The following SSBP2 variants were observed in gnomAD, a reference collection of about 807,000 sequenced individuals.
SSBP2 encodes single stranded DNA binding protein 2.
In SSBP2, 17 loss-of-function variants were observed where a neutral mutation model predicts 61.8. The observed-to-expected ratio is 0.28, with a 90% CI of 0.19 to 0.41. The LOEUF is 0.41. Ranked by LOEUF, SSBP2 falls within the 10% of genes least tolerant of loss-of-function variation. The probability of loss-of-function intolerance (pLI) is 1.00; values close to 1 mark genes in which losing one functional copy is unlikely to be tolerated. For synonymous variants in SSBP2, 139 were observed against 141.3 expected (o/e 0.98, Z 0.12); for missense variants, 310 against 458.7 (o/e 0.68, Z 2.96).
chr5:81,633,838 C>T (rs995749119), intron 3 of SSBP2, among the ~76,000 whole-genome samples: 9 of 152,236 alleles, frequency 5.9e-5, no homozygotes, highest in African/African-American at 1.9e-4. Context: ...CCTTCTACTT[C>T]TCTTGCTCCG....
intron 4 of SSBP2, among the ~76,000 whole-genome samples, chr5:81,544,035 C>T (rs1771514773): frequency 6.6e-6 from 1 of 152,094 alleles, no homozygotes; most frequent in African/African-American, 2.4e-5. Context: ...CACCAAACTT[C>T]CACCTTTCTT....
chr5:81,492,720 G>C (rs536633612), intron 5 of SSBP2, among the ~76,000 whole-genome samples: 55 of 151,962 alleles, frequency 3.6e-4, no homozygotes, highest in Non-Finnish European at 6.8e-4. Flanking sequence ...ATTTGACTGG[G>C]AGTCAAAGAC....
intron 3 of SSBP2, 150 bp downstream of exon 3, chr5:81,636,407 G>T (rs892972398): frequency 1.9e-6 from 1 of 524,660 alleles, no homozygotes; most frequent in Admixed American, 3.4e-5. Context: ...CACTAGTGCT[G>T]GTTTTTAAGG....
intron 4 of SSBP2, among the ~76,000 whole-genome samples, chr5:81,589,848 G>A (rs1775356885): frequency 6.6e-6 from 1 of 151,984 alleles, no homozygotes; most frequent in African/African-American, 2.4e-5. Flanking sequence ...CCATCATATG[G>A]GTGAGAGAGC....
At chr5:81,667,960 G>T (rs1487875120) in intron 1 of SSBP2, among the ~76,000 whole-genome samples, 1 of 152,148 alleles carries the variant, frequency 6.6e-6, no homozygotes, top group Non-Finnish European at 1.5e-5. Context: ...TCCTAGAACA[G>T]TTACTTTTAT....
At chr5:81,734,844 A>C (rs1756491001) in intron 1 of SSBP2, among the ~76,000 whole-genome samples, 1 of 151,846 alleles carries the variant, frequency 6.6e-6, no homozygotes, top group Non-Finnish European at 1.5e-5. Context: ...GGAGGTGGGC[A>C]CCTGTAGTCC....
chr5:81,466,914 A>G, intron 9 of SSBP2, 60 bp downstream of exon 9: 1 of 1,034,286 alleles, frequency 9.7e-7, no homozygotes, highest in East Asian at 2.7e-5. Flanking sequence ...ATATGGTATT[A>G]TTTATATATA....
intron 8 of SSBP2, among the ~76,000 whole-genome samples, chr5:81,472,035 C>A (rs1408480457): frequency 6.6e-6 from 1 of 151,936 alleles, no homozygotes; most frequent in African/African-American, 2.4e-5. Flanking sequence ...GTTGGTAGCA[C>A]AACAAAACAT....
intron 4 of SSBP2, among the ~76,000 whole-genome samples, chr5:81,529,701 A>AATGATTTTGGAACT (rs1770249745): frequency 6.6e-6 from 1 of 152,140 alleles, no homozygotes; most frequent in South Asian, 2.1e-4. Context: ...TTAGAAGAAC[A>AATGATTTTGGAACT]ACATAGATAT....
At chr5:81,458,099 A>T (rs1227884778) in intron 10 of SSBP2, among the ~76,000 whole-genome samples, 1 of 152,144 alleles carries the variant, frequency 6.6e-6, no homozygotes, top group Non-Finnish European at 1.5e-5. Context: ...AGGTTAAGAA[A>T]GGCCAAAACA....
At chr5:81,558,881 A>C (rs945919547) in intron 4 of SSBP2, among the ~76,000 whole-genome samples, 8 of 152,208 alleles carry the variant, frequency 5.3e-5, no homozygotes, top group Non-Finnish European at 1.0e-4. Context: ...CTGATCTCTT[A>C]AACAGTGTCA....
chr5:81,412,866 T>C lies in SSBP2; in HGVS notation c.*7638A>G, dbSNP rs888755417. On this transcript the variant is annotated 3_prime_UTR_variant, in exon 17 of 17. Coordinates refer to ENST00000320672, the MANE Select transcript of SSBP2 (RefSeq NM_012446.5). ...TCTATTTGCTAATAACATTAGTTTTTTTTTGGCATTCCATGTTTAGTTATC... is the reference window on the plus strand; with the variant it reads ...TCTATTTGCTAATAACATTAGTTTTCTTTTGGCATTCCATGTTTAGTTATC... Among the ~76,000 whole-genome samples, 2 of 152,174 alleles carry C rather than the reference T, an allele frequency of 1.3e-5. No homozygotes were observed. The highest frequency in any genetic ancestry group is 2.9e-5 in the Non-Finnish European group (2 of 68,022).
intron 1 of SSBP2, among the ~76,000 whole-genome samples, chr5:81,719,267 A>T (rs73137683): frequency 0.045 from 6,835 of 152,198 alleles, 198 homozygotes; most frequent in East Asian, 0.12. Flanking sequence ...CTGCTCCAGG[A>T]CTTATAGCCA....
chr5:81,466,223 A>G (rs1561433789), intron 9 of SSBP2, among the ~76,000 whole-genome samples: 2 of 152,030 alleles, frequency 1.3e-5, no homozygotes, highest in Non-Finnish European at 2.9e-5. Flanking sequence ...AAAGTCACTA[A>G]CAAGTACCTT....
intron 1 of SSBP2, among the ~76,000 whole-genome samples, chr5:81,700,286 C>T (rs1048733287): frequency 1.3e-5 from 2 of 152,140 alleles, no homozygotes; most frequent in Admixed American, 1.3e-4. Context: ...TGACAAAGTG[C>T]ACTGTCAAGG....
rs1581270194 is a variant in SSBP2 at position 81,658,630 on chromosome 5, G to A, written c.63-8291C>T. 4.0e-5 allele frequency among the ~76,000 whole-genome samples: 6 copies of A among 151,714 alleles called. 1 individual carries two copies. The highest frequency in any genetic ancestry group is 2.4e-5 in the African/African-American group (1 of 41,344). On this transcript the variant is annotated intron_variant, in intron 1 of 16. Transcript: ENST00000320672. Reference sequence around the variant, plus strand: ...GAATGCAGAATCCACAGATACTAACGGCTGACTGTATAAGTGAGATTATAT... The same window carrying A: ...GAATGCAGAATCCACAGATACTAACAGCTGACTGTATAAGTGAGATTATAT...
At chr5:81,486,058 C>G (rs1390487707) in intron 6 of SSBP2, among the ~76,000 whole-genome samples, 1 of 152,008 alleles carries the variant, frequency 6.6e-6, no homozygotes, top group Non-Finnish European at 1.5e-5. Flanking sequence ...TGAAGCTTAA[C>G]TAAATGTGTA....
In SSBP2 at chr5:81,418,711, A is replaced by G. The variant is rs1264754119; in HGVS notation, c.*1793T>C. 6.6e-6 allele frequency: 1 copy of G among 152,218 alleles called. No homozygotes were observed. The highest frequency in any genetic ancestry group is 1.9e-4 in the East Asian group (1 of 5,208). The allele number at this position is 152,218 out of a possible 1,614,324, so 9.4% of individuals were successfully genotyped here. A position where few individuals can be genotyped will look rare whatever the true frequency, so the allele number is the denominator to read the frequency against. On this transcript the variant is annotated 3_prime_UTR_variant, in exon 17 of 17. Transcript: ENST00000320672. ...AGCATGTTACTGTACTGAATACCAA[A>G]GGCAACTGTAATACAATGGTATTTG...
intron 8 of SSBP2, among the ~76,000 whole-genome samples, chr5:81,471,221 A>G (rs1156714080): frequency 6.6e-6 from 1 of 151,790 alleles, no homozygotes; most frequent in Non-Finnish European, 1.5e-5. Context: ...ATTGACACAT[A>G]TAATAAACTT....
Sources: allele counts gnomAD v4.1 joint callset (sites outside exome capture counted in the v4.1 genomes callset), GRCh38; gene constraint gnomAD v4.1.1; transcripts MANE v1.5; gene names NCBI Gene and HGNC (gene_info 2026-07-23, HGNC 2026-07-21).